Variants in CRTAM observed in about 807,000 individuals in gnomAD.
The protein encoded by CRTAM is cytotoxic and regulatory T-cell molecule.
CRTAM carries 44 observed loss-of-function variants against 50.0 expected under a neutral mutation model. The observed-to-expected ratio is 0.88, with a 90% CI of 0.69 to 1.13. The LOEUF (loss-of-function observed/expected upper bound fraction) is 1.13. Ranked by LOEUF, CRTAM falls within the 50% of genes most tolerant of loss-of-function variation. The pLI, the probability that CRTAM is intolerant of heterozygous loss-of-function variation, is 0.00. For missense variants in CRTAM, 448 were observed against 457.5 expected, an observed-to-expected ratio of 0.98 and a Z score of 0.19; for synonymous variants, 159 against 169.3, an observed-to-expected ratio of 0.94 and a Z score of 0.47.
chr11:122,842,709 A>T (rs1241945215), intron 1 of CRTAM, among the ~76,000 whole-genome samples: 1 of 152,272 alleles, frequency 6.6e-6, no homozygotes, highest in Non-Finnish European at 1.5e-5. Flanking sequence ...TAAGGCAGCA[A>T]TAATAGTGAC....
chr11:122,842,650 G>A (rs1428134552), intron 1 of CRTAM, among the ~76,000 whole-genome samples: 1 of 152,178 alleles, frequency 6.6e-6, no homozygotes, highest in African/African-American at 2.4e-5. Context: ...AGAGAGACTA[G>A]AACTAAGTTA....
intron 6 of CRTAM, among the ~76,000 whole-genome samples, chr11:122,862,816 C>A (rs185351252): frequency 1.2e-3 from 177 of 152,286 alleles, no homozygotes; most frequent in Non-Finnish European, 2.0e-3. Flanking sequence ...TACACACACA[C>A]ATTCACGACT....
chr11:122,864,150 T>C (rs1400097713), intron 6 of CRTAM, among the ~76,000 whole-genome samples: 3 of 152,222 alleles, frequency 2.0e-5, no homozygotes, highest in Non-Finnish European at 4.4e-5. Context: ...TAATTAAAGC[T>C]TGGAATGCCG....
chr11:122,851,618 T>C, intron 2 of CRTAM, 75 bp from the exon 3 acceptor site: 1 of 1,337,342 alleles, frequency 7.5e-7, no homozygotes, highest in Non-Finnish European at 1.1e-6. Flanking sequence ...GCAGTGCTTC[T>C]GGCATCTACT....
At position 122,850,060 on chromosome 11, in the gene CRTAM, C is replaced by T. The variant is rs377526866; in HGVS notation, c.47-8C>T. The T allele has an allele frequency of 3.6e-5, 57 of 1,588,322 alleles. No homozygotes were observed. The highest frequency in any genetic ancestry group is 4.1e-5 in the Non-Finnish European group (48 of 1,163,780). On this transcript the variant is annotated splice_polypyrimidine_tract_variant and splice_region_variant and intron_variant, in intron 1 of 9. Coordinates refer to ENST00000227348, the MANE Select transcript of CRTAM (RefSeq NM_019604.4). Reference sequence around the variant, plus strand: ...GGCCTGATCATCCCCATTTCTCTTCCTCCACAGAGGCCTCTCTGACTAACC... The same window carrying T: ...GGCCTGATCATCCCCATTTCTCTTCTTCCACAGAGGCCTCTCTGACTAACC...
intron 1 of CRTAM, among the ~76,000 whole-genome samples, chr11:122,844,454 A>G (rs1861837308): frequency 6.6e-6 from 1 of 152,230 alleles, no homozygotes; most frequent in Non-Finnish European, 1.5e-5. Flanking sequence ...AAATTAGGGC[A>G]TGTTTCTTAA....
At chr11:122,854,634 G>A (rs957058115) in intron 4 of CRTAM, among the ~76,000 whole-genome samples, 2 of 148,724 alleles carry the variant, frequency 1.3e-5, no homozygotes, top group Non-Finnish European at 3.0e-5. Flanking sequence ...TTGCACTCCA[G>A]CCTGGGCAAC....
chr11:122,861,776 A>G (rs1011149900), intron 5 of CRTAM, among the ~76,000 whole-genome samples: 3 of 152,054 alleles, frequency 2.0e-5, no homozygotes, highest in Non-Finnish European at 4.4e-5. Context: ...AGTGACAGGC[A>G]CAGTTATTAC....
chr11:122,868,234 G>GTGTA, intron 9 of CRTAM, 135 bp downstream of exon 9: 4 of 543,296 alleles, frequency 7.4e-6, no homozygotes, highest in Admixed American at 3.4e-5. Context: ...GTGTGTGTGT[G>GTGTA]TGTATGAGGT....
Position 122,871,254 on chromosome 11 carries a change from A to T in CRTAM, c.1052-15A>T. 6.2e-7 allele frequency: 1 copy of T among 1,600,912 alleles called. No homozygotes were observed. The highest frequency in any genetic ancestry group is 8.5e-7 in the Non-Finnish European group (1 of 1,174,076). ...TTCAAAATAAATATTCATCTTCAAC[A>T]TGTTTTTCTTTCAGCTTCCCACCCT... On this transcript the variant is annotated splice_polypyrimidine_tract_variant and intron_variant, in intron 9 of 9. Transcript: ENST00000227348.
At chr11:122,845,395 T>C (rs1861850896) in intron 1 of CRTAM, among the ~76,000 whole-genome samples, 1 of 152,106 alleles carries the variant, frequency 6.6e-6, no homozygotes, top group Non-Finnish European at 1.5e-5. Flanking sequence ...TAGATAGTTC[T>C]TTAGAAAAAT....
At chr11:122,861,678 C>T (rs1286397481) in intron 5 of CRTAM, among the ~76,000 whole-genome samples, 2 of 151,698 alleles carry the variant, frequency 1.3e-5, no homozygotes, top group Non-Finnish European at 2.9e-5. Flanking sequence ...TGATTTCAGG[C>T]GATCCACCCA....
In CRTAM at chr11:122,871,404, C is replaced by A; in HGVS notation, c.*5C>A. On this transcript the variant is annotated 3_prime_UTR_variant, in exon 10 of 10. Coordinates refer to ENST00000227348, the MANE Select transcript of CRTAM (RefSeq NM_019604.4). Reference sequence around the variant, plus strand: ...GTACCAGAGAGTATTGTGTAGTGCTCTCTGCAATGGAACATGTGATTTCAG... The same window carrying A: ...GTACCAGAGAGTATTGTGTAGTGCTATCTGCAATGGAACATGTGATTTCAG... The A allele has an allele frequency of 1.2e-6, 2 of 1,609,162 alleles. No individual in the cohort carries two copies. The highest frequency in any genetic ancestry group is 1.1e-5 in the South Asian group (1 of 89,826).
chr11:122,838,659 G>C (rs937311468), intron 1 of CRTAM, 67 bp downstream of exon 1: 1 of 1,444,454 alleles, frequency 6.9e-7, no homozygotes, highest in African/African-American at 1.4e-5. Flanking sequence ...CTACCTATCA[G>C]TCAGTCAACT....
intron 5 of CRTAM, among the ~76,000 whole-genome samples, chr11:122,861,408 A>ATT (rs1862076414): frequency 4.3e-5 from 1 of 23,310 alleles, no homozygotes; most frequent in Admixed American, 6.3e-4. Context: ...ATATATATAT[A>ATT]TATATATATA....
At chr11:122,864,532 T>C in intron 6 of CRTAM, 104 bp from the exon 7 acceptor site, 1 of 685,176 alleles carries the variant, frequency 1.5e-6, no homozygotes, top group South Asian at 1.9e-5. Context: ...GTTTTTAAAT[T>C]TGGCTTCCCA....
rs1434821035 is a variant in CRTAM at position 122,871,582 on chromosome 11, A to G, written c.*183A>G. The G allele has an allele frequency of 2.3e-6, 1 of 431,004 alleles. No homozygotes were observed. Among genetic ancestry groups the G allele is most frequent in the East Asian group, 3.9e-5 (1 of 25,908 alleles). The allele number at this position is 431,004 out of a possible 1,614,324, so 26.7% of individuals were successfully genotyped here. On this transcript the variant is annotated 3_prime_UTR_variant, in exon 10 of 10. Transcript: ENST00000227348. ...CAGCAACATGAGGACCAAACCATGC[A>G]CATAAAGCTTGTAGTTTAAAAAAGA...
At chr11:122,870,407 C>T (rs1862238834) in intron 9 of CRTAM, among the ~76,000 whole-genome samples, 1 of 152,122 alleles carries the variant, frequency 6.6e-6, no homozygotes, top group Non-Finnish European at 1.5e-5. Flanking sequence ...AAAATGAGTA[C>T]CTGCACGACT....
intron 6 of CRTAM, among the ~76,000 whole-genome samples, chr11:122,863,109 A>G (rs1916040): frequency 0.63 from 95,341 of 151,890 alleles, 30,471 homozygotes; most frequent in East Asian, 0.92. Context: ...TATAATTCCA[A>G]TTTTTTAGAC....
Sources: allele counts gnomAD v4.1 joint callset (sites outside exome capture counted in the v4.1 genomes callset), GRCh38; gene constraint gnomAD v4.1.1; transcripts MANE v1.5; gene names NCBI Gene and HGNC (gene_info 2026-07-23, HGNC 2026-07-21).